The following NBPF10 variants were observed in gnomAD, a reference collection of about 807,000 sequenced individuals.
The protein encoded by NBPF10 is NBPF member 10.
Under a neutral mutation model 77.9 loss-of-function variants are expected in NBPF10, and 63 were observed. The ratio of observed to expected loss-of-function variants is 0.81; its 90% CI spans 0.66 to 1.00. The LOEUF (loss-of-function observed/expected upper bound fraction) is 1.00, where lower values mean the gene tolerates loss of function less well. Ranked by LOEUF, NBPF10 falls within the 50% of genes least tolerant of loss-of-function variation. NBPF10 has a pLI of 0.00. For missense variants in NBPF10, 522 were observed against 679.8 expected, an observed-to-expected ratio of 0.77 and a Z score of 2.58; for synonymous variants, 146 against 264.5, an observed-to-expected ratio of 0.55 and a Z score of 4.35.
rs1277734553 is a variant in NBPF10 at position 146,073,099 on chromosome 1, G to C, written c.10131-198C>G. 2.7e-5 allele frequency among the ~76,000 whole-genome samples: 2 copies of C among 73,048 alleles called. 1 individual carries two copies. Among genetic ancestry groups the C allele is most frequent in the South Asian group, 7.7e-4 (2 of 2,614 alleles). 47.9% of individuals were successfully genotyped at this position (73,048 alleles called of 152,430 possible). A position where few individuals can be genotyped will look rare whatever the true frequency, so the allele number is the denominator to read the frequency against. On this transcript the variant is annotated intron_variant, in intron 81 of 89. Transcript: ENST00000583866. Reference sequence around the variant, plus strand: ...AGAATGAAAGAGAAAGACAGGGAGAGGGAGAGAGAGAGAGGGAGGAGAAAG... The same window carrying C: ...AGAATGAAAGAGAAAGACAGGGAGACGGAGAGAGAGAGAGGGAGGAGAAAG...
intron 15 of NBPF10, 73 bp downstream of exon 15, chr1:146,125,392 C>T: frequency 3.7e-6 from 1 of 271,022 alleles, no homozygotes. Flanking sequence ...ATTGAACACA[C>T]TCTTGTTTTC....
intron 15 of NBPF10, among the ~76,000 whole-genome samples, chr1:146,125,128 G>C (rs1366379123): frequency 2.8e-5 from 1 of 35,140 alleles, no homozygotes; most frequent in Non-Finnish European, 5.2e-5. Context: ...ACTGATGAAG[G>C]GGTCAAAGGA....
chr1:146,141,777 G>T lies in NBPF10; in HGVS notation c.320C>A (p.Thr107Asn), dbSNP rs782336253. 2.2e-6 allele frequency: 3 copies of T among 1,343,072 alleles called. 1 individual carries two copies. The East Asian group carries it at 8.5e-5, about 38-fold the overall frequency. 83.2% of individuals were successfully genotyped at this position (1,343,072 alleles called of 1,614,324 possible). A position where few individuals can be genotyped will look rare whatever the true frequency, so the allele number is the denominator to read the frequency against. The change falls in exon 3 of 90, where the codon ACC (threonine) becomes AAC (asparagine). Residue 107 changes from threonine to asparagine, a missense_variant. Transcript: ENST00000583866. ...TTCCCGTAACTTCTCCCTTAGCTGG[G>T]TCAGCTCTCGTTCCTGAGAGTGAAC... is the stretch of plus-strand genomic sequence containing the variant.
chr1:146,067,490 C>T (rs1479210988), intron 88 of NBPF10, among the ~76,000 whole-genome samples: 1 of 143,366 alleles, frequency 7.0e-6, no homozygotes, highest in East Asian at 2.1e-4. Context: ...GGTAAAATGT[C>T]CCTATTCTAG....
chr1:146,069,496 C>A (rs3872140), intron 86 of NBPF10, 47 bp downstream of exon 86: 298,668 of 603,276 alleles, frequency 0.5, 32,647 homozygotes, highest in Admixed American at 0.6. Context: ...ATGACCCTAA[C>A]CAGAAGACTC....
intron 14 of NBPF10, among the ~76,000 whole-genome samples, chr1:146,125,926 A>G (rs3928872): frequency 4.0e-5 from 6 of 151,728 alleles, no homozygotes; most frequent in African/African-American, 1.4e-4. Context: ...GATGAAATCT[A>G]CAAGATCTAC....
chr1:146,143,721 CTTT>C (rs1171532930), intron 1 of NBPF10, among the ~76,000 whole-genome samples: 2 of 135,632 alleles, frequency 1.5e-5, no homozygotes, highest in Admixed American at 7.8e-5. Context: ...GTACTCTCTG[CTTT>C]TTATTTTTAT....
chr1:146,143,859 T>C (rs1197592879), intron 1 of NBPF10, among the ~76,000 whole-genome samples: 2 of 147,252 alleles, frequency 1.4e-5, no homozygotes, highest in Non-Finnish European at 3.0e-5. Context: ...AAAGGATTCT[T>C]CTGCCTCAGC....
At chr1:146,125,754 C>G (rs1410301230) in intron 14 of NBPF10, among the ~76,000 whole-genome samples, 1 of 140,476 alleles carries the variant, frequency 7.1e-6, no homozygotes, top group Middle Eastern at 3.2e-3. Flanking sequence ...TATCATTTGT[C>G]CCAAGTTTGT....
chr1:146,068,426 C>A (rs1236710646), intron 87 of NBPF10, among the ~76,000 whole-genome samples: 1 of 17,546 alleles, frequency 5.7e-5, no homozygotes, highest in Non-Finnish European at 1.1e-4. Flanking sequence ...GGGTGACACA[C>A]TGATGAAGGG....
intron 14 of NBPF10, 138 bp from the exon 15 acceptor site, chr1:146,125,654 G>T (rs1210224892): frequency 3.8e-6 from 2 of 519,560 alleles, no homozygotes; most frequent in South Asian, 4.0e-5. Flanking sequence ...TTCTTCAGGA[G>T]GCCTGAAGGC....
chr1:146,132,849 G>C (rs1314788535), intron 10 of NBPF10, among the ~76,000 whole-genome samples: 1 of 8,278 alleles, frequency 1.2e-4, no homozygotes. Flanking sequence ...GGGAGGCAGA[G>C]GTTGCACCAA....
At position 146,069,546 on chromosome 1, in the gene NBPF10, C is replaced by T; in HGVS notation, c.10807G>A (p.Asp3603Asn). 3.2e-6 allele frequency: 3 copies of T among 924,162 alleles called. No homozygotes were observed. In the East Asian group the frequency reaches 7.6e-5, roughly 23 times the overall value. The allele number at this position is 924,162 out of a possible 1,614,324, so 57.2% of individuals were successfully genotyped here. A position where few individuals can be genotyped will look rare whatever the true frequency, so the allele number is the denominator to read the frequency against. The change falls in exon 86 of 90, where the codon GAT (aspartate) becomes AAT (asparagine). Residue 3603 changes from aspartate (D) to asparagine (N), a missense_variant. By Grantham distance (23) the Asp-to-Asn change is conservative. Around this residue, in one of 9 missense-constraint regions of NBPF10, gnomAD observed 183 missense variants for 96.6 expected, o/e 1.89. Coordinates refer to ENST00000583866, the Ensembl canonical transcript of NBPF10. ...ACCTTCATAGAAAGGTACTCACCATCCATGTCAACAGCCAAGCCAACACGC... is the reference window on the plus strand; with the variant it reads ...ACCTTCATAGAAAGGTACTCACCATTCATGTCAACAGCCAAGCCAACACGC...
rs782229212 is a variant in NBPF10 at position 146,141,784 on chromosome 1, C to A, written c.313G>T (p.Glu105Ter). Reference sequence around the variant, plus strand: ...AACTTCTCCCTTAGCTGGGTCAGCTCTCGTTCCTGAGAGTGAACTAGGACT... The same window carrying A: ...AACTTCTCCCTTAGCTGGGTCAGCTATCGTTCCTGAGAGTGAACTAGGACT... The change falls in exon 3 of 90, where the codon GAG becomes TAG. Residue 105 changes from glutamate (E) to a stop codon, truncating the protein, a stop_gained. Transcript: ENST00000583866. LOFTEE classifies it high-confidence loss of function. 1.5e-6 allele frequency: 2 copies of A among 1,343,030 alleles called. No individual in the cohort carries two copies. The highest frequency in any genetic ancestry group is 3.8e-5 in the Admixed American group (2 of 52,586). The allele number at this position is 1,343,030 out of a possible 1,614,324, so 83.2% of individuals were successfully genotyped here. A position where few individuals can be genotyped will look rare whatever the true frequency, so the allele number is the denominator to read the frequency against.
At chr1:146,109,291 A>G (rs1657336599) in intron 35 of NBPF10, among the ~76,000 whole-genome samples, 177 bp from the exon 36 acceptor site, 3 of 97,616 alleles carry the variant, frequency 3.1e-5, no homozygotes, top group Admixed American at 2.3e-4. Flanking sequence ...ATGGAAAAGA[A>G]TGAAAGAGAA....
chr1:146,126,596 G>GACACACACACACACAC (rs56881979), intron 13 of NBPF10, among the ~76,000 whole-genome samples, 188 bp from the exon 14 acceptor site: 62 of 113,666 alleles, frequency 5.5e-4, no homozygotes, highest in African/African-American at 1.2e-3. Flanking sequence ...GAACGAGAAA[G>GACACACACACACACAC]ACACACACAC....
At chr1:146,135,880 C>A (rs1571217938) in intron 7 of NBPF10, among the ~76,000 whole-genome samples, 1 of 143,070 alleles carries the variant, frequency 7.0e-6, no homozygotes, top group African/African-American at 2.7e-5. Flanking sequence ...CCACTAGATA[C>A]AAAGCCATGT....
intron 5 of NBPF10, among the ~76,000 whole-genome samples, chr1:146,139,072 C>G (rs587734125): frequency 9.5e-6 from 1 of 105,216 alleles, no homozygotes; most frequent in African/African-American, 3.2e-5. Context: ...TGTGAGCCAG[C>G]GCCCCTGGTC....
intron 13 of NBPF10, among the ~76,000 whole-genome samples, chr1:146,126,778 C>T (rs587727264): frequency 4.5e-5 from 6 of 133,860 alleles, no homozygotes; most frequent in African/African-American, 1.7e-4. Context: ...GCTCAAGTTT[C>T]CCGGCAGTTA....
Sources: allele counts gnomAD v4.1 joint callset (sites outside exome capture counted in the v4.1 genomes callset), GRCh38; gene constraint gnomAD v4.1.1; regional missense constraint gnomAD v4.1.1; transcripts MANE v1.5; gene names NCBI Gene and HGNC (gene_info 2026-07-23, HGNC 2026-07-21).